The following PRKCH variants were observed in gnomAD, a reference collection of about 807,000 sequenced individuals.
PRKCH encodes protein kinase C eta type.
Under a neutral mutation model 82.5 loss-of-function variants are expected in PRKCH, and 28 were observed. The ratio of observed to expected loss-of-function variants is 0.34; its 90% CI spans 0.25 to 0.47. PRKCH has a LOEUF of 0.47. PRKCH is among the 20% of genes least tolerant of loss of function. PRKCH has a pLI of 1.00. For synonymous variants in PRKCH, 322 were observed against 327.4 expected (o/e 0.98, Z 0.18); for missense variants, 705 against 881.8 (o/e 0.80, Z 2.54).
At chr14:61,399,541 T>G (rs575305288) in intron 2 of PRKCH, among the ~76,000 whole-genome samples, 3 of 152,210 alleles carry the variant, frequency 2.0e-5, no homozygotes, top group Admixed American at 2.0e-4. Flanking sequence ...AGTCAAAAAC[T>G]GCAGGTAGGA....
intron 1 of PRKCH, among the ~76,000 whole-genome samples, chr14:61,343,351 CAAAAAAAAAAAA>C (rs57154047): frequency 1.1e-5 from 1 of 87,350 alleles, no homozygotes; most frequent in African/African-American, 4.4e-5. Flanking sequence ...CCAGTTCCCT[CAAAAAAAAAAAA>C]AAAAAAAAAA....
At chr14:61,546,940 G>T (rs1394317066) in intron 12 of PRKCH, among the ~76,000 whole-genome samples, 1 of 152,154 alleles carries the variant, frequency 6.6e-6, no homozygotes, top group Non-Finnish European at 1.5e-5. Flanking sequence ...TTTTGTGAAA[G>T]CAGATTTAGC....
chr14:61,468,942 GATACTCT>G (rs1241062353), intron 9 of PRKCH, among the ~76,000 whole-genome samples: 10 of 152,182 alleles, frequency 6.6e-5, no homozygotes, highest in Admixed American at 6.5e-4. Context: ...CCAAGTTATA[GATACTCT>G]GGCTTCAGTA....
intron 7 of PRKCH, among the ~76,000 whole-genome samples, chr14:61,453,999 A>T (rs1231690992): frequency 2.6e-5 from 4 of 152,106 alleles, no homozygotes; most frequent in African/African-American, 4.8e-5. Context: ...CACGGATAAG[A>T]TTGTATATAC....
chr14:61,207,033 C>G (rs1193183145), intron 1 of PRKCH, among the ~76,000 whole-genome samples: 2 of 139,436 alleles, frequency 1.4e-5, no homozygotes, highest in East Asian at 2.2e-4. Flanking sequence ...TTGAACCCAG[C>G]AGGTGCAGGT....
chr14:61,202,725 A>T lies in PRKCH; in HGVS notation c.-19+15057A>T, dbSNP rs138887375. Reference sequence around the variant, plus strand: ...AAAAATTAATAGACTATTCTTTGAAAAGTTTTAGGTTTACAGAAAAATCGT... The same window carrying T: ...AAAAATTAATAGACTATTCTTTGAATAGTTTTAGGTTTACAGAAAAATCGT... On this transcript the variant is annotated intron_variant, in intron 1 of 3. Transcript: ENST00000555185. Among the ~76,000 whole-genome samples the T allele has an allele frequency of 5.0e-3, 758 of 152,246 alleles. 14 individuals are homozygous for T. Among genetic ancestry groups the T allele is most frequent in the African/African-American group, 0.017 (702 of 41,546 alleles).
chr14:61,511,647 A>G (rs1338727804), intron 10 of PRKCH, among the ~76,000 whole-genome samples: 1 of 152,248 alleles, frequency 6.6e-6, no homozygotes, highest in African/African-American at 2.4e-5. Context: ...ATAAGATGGC[A>G]TAAATGCTTC....
chr14:61,198,016 T>C (rs2140036598), intron 1 of PRKCH, among the ~76,000 whole-genome samples: 1 of 152,300 alleles, frequency 6.6e-6, no homozygotes, highest in South Asian at 2.1e-4. Flanking sequence ...TTTAAAGTAA[T>C]TGTTTTGTTT....
At chr14:61,233,388 C>CT (rs1485245494) in intron 1 of PRKCH, among the ~76,000 whole-genome samples, 1 of 69,592 alleles carries the variant, frequency 1.4e-5, no homozygotes, top group African/African-American at 3.0e-5. Context: ...GAGACCTTGT[C>CT]TCAAAAAAAA....
chr14:61,278,625 A>C (rs916026985), intron 1 of PRKCH: 1 of 152,244 alleles, frequency 6.6e-6, no homozygotes, highest in Admixed American at 6.5e-5. Context: ...ATTCTGACAA[A>C]TACCAAATAA....
At chr14:61,269,408 T>C (rs2045132346) in intron 1 of PRKCH, among the ~76,000 whole-genome samples, 1 of 152,196 alleles carries the variant, frequency 6.6e-6, no homozygotes, top group Non-Finnish European at 1.5e-5. Context: ...TGCAGGTTTG[T>C]TACATAGGTA....
chr14:61,404,683 G>T (rs1483559638), intron 2 of PRKCH, among the ~76,000 whole-genome samples: 1 of 152,206 alleles, frequency 6.6e-6, no homozygotes, highest in Non-Finnish European at 1.5e-5. Context: ...AACAGAGTAA[G>T]AGGACAGAGA....
chr14:61,496,971 C>T (rs1445216629), intron 10 of PRKCH, among the ~76,000 whole-genome samples: 3 of 152,130 alleles, frequency 2.0e-5, no homozygotes, highest in African/African-American at 7.3e-5. Context: ...CCATGATTTT[C>T]TCATAACTCA....
intron 2 of PRKCH, among the ~76,000 whole-genome samples, chr14:61,416,022 CCCTT>C (rs1882528034): frequency 6.6e-6 from 1 of 151,074 alleles, no homozygotes; most frequent in African/African-American, 2.4e-5. Flanking sequence ...AGATTCCCCT[CCCTT>C]GCCTCTTTTT....
At chr14:61,290,447 C>T (rs922659616) in intron 1 of PRKCH, among the ~76,000 whole-genome samples, 1 of 152,078 alleles carries the variant, frequency 6.6e-6, no homozygotes, top group African/African-American at 2.4e-5. Context: ...CAGAGTGAGA[C>T]AGGATGGTGC....
At chr14:61,440,855 A>G (rs1186209501) in intron 2 of PRKCH, among the ~76,000 whole-genome samples, 2 of 152,192 alleles carry the variant, frequency 1.3e-5, no homozygotes, top group Non-Finnish European at 2.9e-5. Context: ...GCCTGGTGAC[A>G]GAGTTAAACT....
At chr14:61,438,707 A>T (rs1165210525) in intron 2 of PRKCH, among the ~76,000 whole-genome samples, 1 of 152,150 alleles carries the variant, frequency 6.6e-6, no homozygotes. Context: ...CACAAGTTTC[A>T]GTCCAGTGCA....
At chr14:61,507,252 C>T (rs376225990) in intron 10 of PRKCH, among the ~76,000 whole-genome samples, 6 of 152,262 alleles carry the variant, frequency 3.9e-5, no homozygotes, top group East Asian at 1.9e-4. Context: ...TCACCTCATA[C>T]GTGTTAGGAT....
chr14:61,471,336 A>G (rs894103522), intron 9 of PRKCH, among the ~76,000 whole-genome samples: 2 of 152,218 alleles, frequency 1.3e-5, no homozygotes, highest in Non-Finnish European at 2.9e-5. Context: ...TTTTGGGGAC[A>G]TTCAGTGGTA....
Sources: allele counts gnomAD v4.1 joint callset (sites outside exome capture counted in the v4.1 genomes callset), GRCh38; gene constraint gnomAD v4.1.1; transcripts MANE v1.5; gene names NCBI Gene and HGNC (gene_info 2026-07-23, HGNC 2026-07-21).